Variants in RALGAPA2 observed in about 807,000 individuals in gnomAD.
RALGAPA2 encodes Ral GTPase activating protein catalytic subunit alpha 2, also known as ral GTPase-activating protein subunit alpha-2.
In RALGAPA2, 139 loss-of-function variants were observed where a neutral mutation model predicts 230.4. The ratio of observed to expected loss-of-function variants is 0.60; its 90% confidence interval spans 0.53 to 0.69. The LOEUF (loss-of-function observed/expected upper bound fraction) is 0.69, where lower values mean the gene tolerates loss of function less well. Among genes scored for constraint, RALGAPA2 ranks in the 30% least tolerant of loss-of-function variants. The pLI, the probability that RALGAPA2 is intolerant of heterozygous loss-of-function variation, is 0.00. For missense variants in RALGAPA2, 2,163 were observed against 2,276.0 expected (o/e 0.95, Z 1.01); for synonymous variants, 847 against 837.8 (o/e 1.01, Z -0.19).
intron 36 of RALGAPA2, among the ~76,000 whole-genome samples, chr20:20,487,579 GT>G (rs963034324): frequency 1.6e-4 from 24 of 152,264 alleles, no homozygotes; most frequent in Admixed American, 1.4e-3. Context: ...GGTATTAAGT[GT>G]TTCCGTTCCC....
chr20:20,396,823 T>A (rs2059730100), intron 38 of RALGAPA2, 89 bp from the exon 39 acceptor site: 2 of 1,134,342 alleles, frequency 1.8e-6, no homozygotes, highest in Non-Finnish European at 2.6e-6. Flanking sequence ...TAATAATACA[T>A]TTATCCCTGA....
At chr20:20,659,355 C>T (rs1436106676) in intron 3 of RALGAPA2, among the ~76,000 whole-genome samples, 3 of 152,192 alleles carry the variant, frequency 2.0e-5, no homozygotes, top group African/African-American at 7.2e-5. Flanking sequence ...TTCATGAAGA[C>T]AGAATATTTG....
intron 16 of RALGAPA2, among the ~76,000 whole-genome samples, chr20:20,601,297 C>T (rs769968808): frequency 6.6e-6 from 1 of 152,154 alleles, no homozygotes; most frequent in African/African-American, 2.4e-5. Flanking sequence ...TCCTGAAATT[C>T]TCCTTTTCTT....
chr20:20,703,508 G>C (rs562781552), intron 1 of RALGAPA2, among the ~76,000 whole-genome samples: 1 of 152,226 alleles, frequency 6.6e-6, no homozygotes, highest in South Asian at 2.1e-4. Flanking sequence ...ACCTGTATTA[G>C]AGACCACCTA....
chr20:20,401,045 T>C (rs74748948), intron 38 of RALGAPA2, among the ~76,000 whole-genome samples: 13 of 152,306 alleles, frequency 8.5e-5, no homozygotes, highest in Non-Finnish European at 1.0e-4. Flanking sequence ...AGAAGTGGGA[T>C]TGCCTATCAG....
intron 38 of RALGAPA2, among the ~76,000 whole-genome samples, chr20:20,401,085 T>A (rs377385275): frequency 6.6e-6 from 1 of 152,184 alleles, no homozygotes; most frequent in African/African-American, 2.4e-5. Flanking sequence ...GATGAAATGT[T>A]ATAGAATTTG....
intron 27 of RALGAPA2, among the ~76,000 whole-genome samples, chr20:20,527,504 C>T (rs1199741652): frequency 1.3e-5 from 2 of 152,152 alleles, no homozygotes; most frequent in African/African-American, 2.4e-5. Context: ...GCTTGGAACA[C>T]TTAATCCCCA....
At chr20:20,538,891 C>G (rs2063567439) in intron 24 of RALGAPA2, among the ~76,000 whole-genome samples, 1 of 152,114 alleles carries the variant, frequency 6.6e-6, no homozygotes, top group African/African-American at 2.4e-5. Context: ...TGATAGCCTC[C>G]CCTCCTGCAA....
At chr20:20,492,152 A>G (rs934585640) in intron 36 of RALGAPA2, among the ~76,000 whole-genome samples, 1 of 152,178 alleles carries the variant, frequency 6.6e-6, no homozygotes, top group African/African-American at 2.4e-5. Flanking sequence ...ATGAAAGTAC[A>G]ATTTGAATAT....
In RALGAPA2 at chr20:20,605,180, C is replaced by T. The variant is rs181851092; in HGVS notation, c.2033G>A (p.Gly678Asp). 2 of 1,601,316 alleles carry T rather than the reference C, an allele frequency of 1.2e-6. No homozygotes were observed. Among genetic ancestry groups the T allele is most frequent in the East Asian group, 4.5e-5 (2 of 44,676 alleles). Residue 678 changes from glycine to aspartate, a missense_variant, in exon 15 of 40, where the codon GGC (glycine) becomes GAC (aspartate). Coordinates refer to ENST00000202677, the MANE Select transcript of RALGAPA2 (RefSeq NM_020343.4). ...ACCTGGAAGAGTGGAAATACCTTTG[C>T]CTCGTTGCTTCTTTTCCTTTTGTTC... ...LSEQKEKKQR[G>D]KGCVLDPQKG...
chr20:20,680,920 C>A, intron 1 of RALGAPA2, 119 bp from the exon 2 acceptor site: 1 of 1,434,148 alleles, frequency 7.0e-7, no homozygotes, highest in Non-Finnish European at 9.2e-7. Context: ...TAAGACAATA[C>A]AAAACAAAAC....
chr20:20,509,816 TGTGA>T (rs1297641134), intron 33 of RALGAPA2, among the ~76,000 whole-genome samples: 9 of 152,212 alleles, frequency 5.9e-5, no homozygotes, highest in African/African-American at 2.2e-4. Flanking sequence ...AATACATAGC[TGTGA>T]GTAAGTTTAA....
Position 20,589,294 on chromosome 20 carries a change from C to T in RALGAPA2, c.2413G>A (p.Val805Met). The change falls in exon 18 of 40, where the codon GTG becomes ATG. Residue 805 changes from valine to methionine, a missense_variant. By Grantham distance (21) the Val-to-Met change is conservative. Transcript: ENST00000202677. ...PQPIQENKGH[V>M]KREHEGITIL... ...GTTATTCCTTCATGTTCTCTCTTCA[C>T]ATGTCCTTTATTCTCTTGAATAGGC... 1.3e-6 allele frequency: 2 copies of T among 1,583,906 alleles called. No homozygotes were observed. Among genetic ancestry groups the T allele is most frequent in the South Asian group, 1.2e-5 (1 of 86,828 alleles).
intron 35 of RALGAPA2, among the ~76,000 whole-genome samples, chr20:20,501,588 A>C (rs991718082): frequency 1.3e-5 from 2 of 152,244 alleles, no homozygotes; most frequent in Non-Finnish European, 1.5e-5. Flanking sequence ...AACTTTCTCC[A>C]TATCAGCAAT....
intron 23 of RALGAPA2, among the ~76,000 whole-genome samples, chr20:20,566,623 C>T (rs2064435560): frequency 6.6e-6 from 1 of 152,100 alleles, no homozygotes; most frequent in Non-Finnish European, 1.5e-5. Flanking sequence ...ATCCATGATC[C>T]AGACTGAATG....
At chr20:20,562,246 G>C (rs1359517859) in intron 23 of RALGAPA2, among the ~76,000 whole-genome samples, 1 of 151,958 alleles carries the variant, frequency 6.6e-6, no homozygotes, top group Non-Finnish European at 1.5e-5. Context: ...CCCTCTCTGG[G>C]AAAAGACAGA....
At chr20:20,609,826 C>T (rs1220106490) in intron 14 of RALGAPA2, among the ~76,000 whole-genome samples, 2 of 152,224 alleles carry the variant, frequency 1.3e-5, no homozygotes, top group Non-Finnish European at 2.9e-5. Flanking sequence ...TACCACCCTC[C>T]ACGCATCAGC....
chr20:20,531,913 C>A (rs967242236), intron 26 of RALGAPA2, 118 bp from the exon 27 acceptor site: 9 of 835,002 alleles, frequency 1.1e-5, no homozygotes, highest in Admixed American at 5.4e-5. Flanking sequence ...TATTATAGAT[C>A]TATTAGCAGA....
At chr20:20,470,866 T>C (rs1369493890) in intron 37 of RALGAPA2, 3 of 152,146 alleles carry the variant, frequency 2.0e-5, no homozygotes, top group African/African-American at 4.8e-5. Context: ...AAGAATAGAG[T>C]AGTTAAATGA....
Sources: allele counts gnomAD v4.1 joint callset (sites outside exome capture counted in the v4.1 genomes callset), GRCh38; gene constraint gnomAD v4.1.1; transcripts MANE v1.5; gene names NCBI Gene and HGNC (gene_info 2026-07-23, HGNC 2026-07-21).